The following KDM3B variants were observed in gnomAD, a reference collection of about 807,000 sequenced individuals.
KDM3B encodes lysine-specific demethylase 3B.
KDM3B carries 10 observed loss-of-function variants against 170.0 expected under a neutral mutation model. The ratio of observed to expected loss-of-function variants is 0.06; its 90% CI spans 0.04 to 0.10. The LOEUF (loss-of-function observed/expected upper bound fraction) is 0.10, where lower values mean the gene tolerates loss of function less well. Among genes scored for constraint, KDM3B ranks in the 10% least tolerant of loss-of-function variants. KDM3B has a pLI of 1.00. For synonymous variants in KDM3B, 831 were observed against 834.8 expected (o/e 1.00, Z 0.08); for missense variants, 1,394 against 2,195.2 (o/e 0.64, Z 7.29).
chr5:138,366,333 CTTCT>C (rs906610663), intron 1 of KDM3B, among the ~76,000 whole-genome samples: 31 of 150,982 alleles, frequency 2.1e-4, no homozygotes, highest in South Asian at 4.2e-4. Flanking sequence ...TTTTTCTTTC[CTTCT>C]TTCTTTCTTT....
chr5:138,354,719 A>G (rs1446617004), intron 1 of KDM3B, among the ~76,000 whole-genome samples: 2 of 152,226 alleles, frequency 1.3e-5, no homozygotes, highest in East Asian at 3.8e-4. Context: ...TTCTCAAACC[A>G]AGTAAAAAGT....
At chr5:138,410,658 C>T (rs976244704) in intron 11 of KDM3B, among the ~76,000 whole-genome samples, 2 of 152,090 alleles carry the variant, frequency 1.3e-5, no homozygotes, top group Admixed American at 6.5e-5. Flanking sequence ...AGTAGTGGCC[C>T]CGAATGTCTG....
At chr5:138,417,349 A>G in intron 12 of KDM3B, 134 bp from the exon 13 acceptor site, 2 of 868,152 alleles carry the variant, frequency 2.3e-6, no homozygotes, top group South Asian at 3.7e-5. Flanking sequence ...GATCATCAAA[A>G]ATTGAAGTAA....
intron 1 of KDM3B, among the ~76,000 whole-genome samples, chr5:138,365,981 G>C (rs567048601): frequency 6.6e-6 from 1 of 152,212 alleles, no homozygotes; most frequent in South Asian, 2.1e-4. Flanking sequence ...CTGGGTGACA[G>C]AGTGATACTG....
At chr5:138,422,639 A>G (rs1251344855) in intron 15 of KDM3B, among the ~76,000 whole-genome samples, 1 of 152,120 alleles carries the variant, frequency 6.6e-6, no homozygotes, top group Non-Finnish European at 1.5e-5. Flanking sequence ...GATCCATCTC[A>G]AAAAAATAAA....
At chr5:138,361,106 A>G (rs1274054755) in intron 1 of KDM3B, among the ~76,000 whole-genome samples, 3 of 152,192 alleles carry the variant, frequency 2.0e-5, no homozygotes, top group Non-Finnish European at 4.4e-5. Flanking sequence ...GGTGGGTTCT[A>G]TATAGGCTTT....
intron 7 of KDM3B, among the ~76,000 whole-genome samples, chr5:138,390,478 A>G (rs893503449): frequency 3.9e-5 from 6 of 152,218 alleles, no homozygotes; most frequent in African/African-American, 1.4e-4. Context: ...TTTCAGATTA[A>G]TAAGGAAAAC....
intron 1 of KDM3B, among the ~76,000 whole-genome samples, chr5:138,368,041 G>GT (rs1761785425): frequency 6.6e-6 from 1 of 151,276 alleles, no homozygotes; most frequent in African/African-American, 2.4e-5. Flanking sequence ...ATCTCAAACT[G>GT]TTTAACTGTT....
chr5:138,390,106 A>G, intron 7 of KDM3B, among the ~76,000 whole-genome samples: 1 of 151,880 alleles, frequency 6.6e-6, no homozygotes. Context: ...TGATCCGCCC[A>G]TGTCAGCCTC....
chr5:138,421,104 G>A, intron 15 of KDM3B, 142 bp downstream of exon 15: 1 of 1,020,358 alleles, frequency 9.8e-7, no homozygotes. Flanking sequence ...AAAGTTTTGG[G>A]AATCTTTTTA....
intron 22 of KDM3B, among the ~76,000 whole-genome samples, chr5:138,431,001 C>T (rs1000113786): frequency 3.3e-5 from 5 of 152,230 alleles, no homozygotes; most frequent in South Asian, 4.1e-4. Flanking sequence ...CCTTCCCAAT[C>T]TAGTTTCTTT....
At position 138,391,822 on chromosome 5, in the gene KDM3B, C is replaced by T. The variant is rs1762440357; in HGVS notation, c.2190C>T (p.Ser730=). ...ATGGCCGCTCCAGCTCGCCCACCAG[C>T]AGCCTCACTCAGCCCATTGAGATGC... ...MGNGRSSSPT[S]SLTQPIEMPT... Residue 730 remains serine, a synonymous_variant, in exon 8 of 24, where the codon AGC becomes AGT. Transcript: ENST00000314358. This position sits in a 1 kb window ranked among gnomAD's most constrained non-coding sequence, Gnocchi z 5.0. 4 of 1,614,126 alleles carry T rather than the reference C, an allele frequency of 2.5e-6. No homozygotes were observed. Among genetic ancestry groups the T allele is most frequent in the Non-Finnish European group, 3.4e-6 (4 of 1,180,018 alleles).
Position 138,391,324 on chromosome 5 carries a change from G to A in KDM3B, c.1692G>A (p.Leu564=). Residue 564 remains leucine, a synonymous_variant, in exon 8 of 24, where the codon CTG becomes CTA. Transcript: ENST00000314358. The surrounding 1 kb of genome is among the most constrained non-coding windows in gnomAD (Gnocchi z 5.0). The stretch of plus-strand genomic sequence containing the variant: ...CATTCAAACAAAGCCTTGAGAGCCT[G>A]AGCTCAGGCCTGTGTAAAGGCAGAT... The part of the protein sequence containing the change: ...RDSFKQSLES[L]SSGLCKGRSV... The A allele has an allele frequency of 6.2e-7, 1 of 1,614,194 alleles. No individual in the cohort carries two copies. The highest frequency in any genetic ancestry group is 8.5e-7 in the Non-Finnish European group (1 of 1,180,042).
chr5:138,374,573 G>T (rs1761951289), intron 2 of KDM3B, among the ~76,000 whole-genome samples: 1 of 152,138 alleles, frequency 6.6e-6, no homozygotes, highest in Non-Finnish European at 1.5e-5. Context: ...TTGTTTTTAA[G>T]GCCACTTTCC....
chr5:138,432,558 A>G (rs948808020), intron 23 of KDM3B, among the ~76,000 whole-genome samples: 4 of 152,064 alleles, frequency 2.6e-5, no homozygotes, highest in African/African-American at 9.7e-5. Flanking sequence ...AGTCCCAGCT[A>G]CTTGAGAGGC....
At chr5:138,404,260 T>C (rs998383904) in intron 11 of KDM3B, among the ~76,000 whole-genome samples, 3 of 151,974 alleles carry the variant, frequency 2.0e-5, no homozygotes, top group South Asian at 2.1e-4. Context: ...AACACAAAAT[T>C]AACAAACTCC....
At chr5:138,412,314 C>G (rs1358975152) in intron 11 of KDM3B, among the ~76,000 whole-genome samples, 1 of 148,614 alleles carries the variant, frequency 6.7e-6, no homozygotes. Flanking sequence ...CCAGCCTGGG[C>G]AAAAGAGTGA....
chr5:138,399,273 C>T (rs1762621886), intron 10 of KDM3B, among the ~76,000 whole-genome samples: 1 of 151,936 alleles, frequency 6.6e-6, no homozygotes, highest in Non-Finnish European at 1.5e-5. Context: ...GGCACAGTGG[C>T]TCATGCCTGT....
At chr5:138,354,409 A>G (rs1254203056) in intron 1 of KDM3B, among the ~76,000 whole-genome samples, 1 of 152,252 alleles carries the variant, frequency 6.6e-6, no homozygotes, top group African/African-American at 2.4e-5. Context: ...TGTCCATTTC[A>G]GATTCATTCT....
Sources: gnomAD v4.1 joint callset for allele counts (sites outside exome capture counted in the v4.1 genomes callset) on GRCh38, gnomAD v4.1.1 for gene constraint, Gnocchi (gnomAD v3.1) non-coding constraint, MANE v1.5 for transcripts, NCBI Gene and HGNC (gene_info 2026-07-23, HGNC 2026-07-21) for gene names.